The following NEK10 variants were observed in gnomAD, a reference collection of about 807,000 sequenced individuals.
NEK10 encodes the protein serine/threonine-protein kinase Nek10.
NEK10 carries 122 observed loss-of-function variants against 159.8 expected under a neutral mutation model. The ratio of observed to expected loss-of-function variants is 0.76; its 90% CI spans 0.66 to 0.89. The LOEUF (loss-of-function observed/expected upper bound fraction) is 0.89, where lower values mean the gene tolerates loss of function less well. Among genes scored for constraint, NEK10 ranks in the 40% least tolerant of loss-of-function variants. The probability of loss-of-function intolerance (pLI) is 0.00; values close to 1 mark genes in which losing one functional copy is unlikely to be tolerated. For synonymous variants in NEK10, 466 were observed against 457.1 expected (o/e 1.02, Z -0.25); for missense variants, 1,342 against 1,323.1 (o/e 1.01, Z -0.22).
intron 23 of NEK10, among the ~76,000 whole-genome samples, chr3:27,224,996 GA>G (rs1465290642): frequency 6.6e-6 from 1 of 152,200 alleles, no homozygotes; most frequent in East Asian, 1.9e-4. Flanking sequence ...TAGAAGGACA[GA>G]GATAATGGAA....
At chr3:27,174,346 T>G in intron 28 of NEK10, 93 bp downstream of exon 28, 1 of 1,588,514 alleles carries the variant, frequency 6.3e-7, no homozygotes, top group East Asian at 2.2e-5. Context: ...CACTGGGTTA[T>G]GTATATGGTG....
intron 26 of NEK10, 47 bp from the exon 27 acceptor site, chr3:27,174,880 C>T (rs1025302014): frequency 6.9e-7 from 1 of 1,454,830 alleles, no homozygotes; most frequent in South Asian, 1.4e-5. Flanking sequence ...TCTATCCTTC[C>T]TTCTATAGGA....
At chr3:27,264,057 C>G (rs2040665079) in intron 22 of NEK10, among the ~76,000 whole-genome samples, 1 of 152,006 alleles carries the variant, frequency 6.6e-6, no homozygotes, top group Admixed American at 6.6e-5. Context: ...GAAATAGGCT[C>G]AAAGAGAATG....
At chr3:27,301,489 C>A (rs1220580866) in intron 13 of NEK10, among the ~76,000 whole-genome samples, 1 of 152,198 alleles carries the variant, frequency 6.6e-6, no homozygotes, top group Admixed American at 6.5e-5. Context: ...AGGTTCAGAA[C>A]ACAGAAGACA....
chr3:27,315,540 T>C lies in NEK10; in HGVS notation c.448-1202A>G, dbSNP rs565696831. 5.9e-5 allele frequency among the ~76,000 whole-genome samples: 9 copies of C among 152,234 alleles called. No homozygotes were observed. The South Asian group carries it at 1.7e-3, about 28-fold the overall frequency. On this transcript the variant is annotated intron_variant, in intron 6 of 35. Coordinates refer to ENST00000691995, the MANE Select transcript of NEK10 (RefSeq NM_001394966.1). ...ATAATTAAAGAGCACGAGAATATTGTACATATGATCTCTATTTATGGTAGG... is the reference window on the plus strand; with the variant it reads ...ATAATTAAAGAGCACGAGAATATTGCACATATGATCTCTATTTATGGTAGG...
intron 5 of NEK10, among the ~76,000 whole-genome samples, chr3:27,341,362 T>C (rs67791426): frequency 0.015 from 2,292 of 152,242 alleles, 33 homozygotes; most frequent in Non-Finnish European, 0.021. Context: ...TCTCAACACA[T>C]AGAACTGACA....
chr3:27,141,650 T>A, intron 30 of NEK10, 68 bp from the exon 31 acceptor site: 1 of 1,219,016 alleles, frequency 8.2e-7, no homozygotes, highest in Non-Finnish European at 1.2e-6. Context: ...AAAAATGAAG[T>A]AAAATTCTAA....
At chr3:27,257,406 G>T (rs1956314695) in intron 22 of NEK10, among the ~76,000 whole-genome samples, 1 of 152,202 alleles carries the variant, frequency 6.6e-6, no homozygotes, top group Non-Finnish European at 1.5e-5. Flanking sequence ...ATATCATGTT[G>T]TAAAGCACAG....
chr3:27,162,502 T>C (rs1345360488), intron 30 of NEK10, 199 bp downstream of exon 30: 3 of 1,614,070 alleles, frequency 1.9e-6, no homozygotes, highest in African/African-American at 1.3e-5. Context: ...AGGAAGGCTA[T>C]GGGACTGCCA....
rs1178467508 is a variant in NEK10 at position 27,174,700 on chromosome 3, C to T, written c.2639G>A (p.Cys880Tyr). 37 of 1,613,276 alleles carry T rather than the reference C, an allele frequency of 2.3e-5. No homozygotes were observed. The Middle Eastern group carries it at 6.6e-4, about 29-fold the overall frequency. The change falls in exon 27 of 36, where the codon TGT becomes TAT. Residue 880 changes from cysteine (C) to tyrosine (Y), a missense_variant. Cys to Tyr is a radical substitution (Grantham distance 194, BLOSUM62 -2). Transcript: ENST00000691995. ...ASYGKDEDRA[C>Y]DEILSDDNFN... is the part of the protein sequence containing the mutation. ...GTTATCATCTGACAGGATTTCGTCA[C>T]AGGCCCTGTCTTCGTCTTTACCATA...
Position 27,329,579 on chromosome 3 carries a change from A to G in NEK10, c.363-7318T>C, listed in dbSNP as rs2149699151. Among the ~76,000 whole-genome samples the G allele has an allele frequency of 2.0e-5, 3 of 152,312 alleles. No homozygotes were observed. The South Asian group carries it at 6.2e-4, about 32-fold the overall frequency. ...TGGTGGTTACCTGTAGCCAAGGAACAACCAGTTCTTTCCTGGGAAGGTAGG... is the reference window on the plus strand; with the variant it reads ...TGGTGGTTACCTGTAGCCAAGGAACGACCAGTTCTTTCCTGGGAAGGTAGG... On this transcript the variant is annotated intron_variant, in intron 5 of 35. Transcript: ENST00000691995.
chr3:27,341,692 T>C (rs1323285054), intron 5 of NEK10, among the ~76,000 whole-genome samples: 9 of 152,068 alleles, frequency 5.9e-5, no homozygotes, highest in South Asian at 2.1e-4. Context: ...ATTCTGAGAA[T>C]GGGGGAGTAA....
At chr3:27,337,899 G>A (rs191358152) in intron 5 of NEK10, among the ~76,000 whole-genome samples, 1 of 152,158 alleles carries the variant, frequency 6.6e-6, no homozygotes, top group African/African-American at 2.4e-5. Context: ...GGAAGGTGTA[G>A]GCAAAGATTT....
At chr3:27,214,736 T>C in intron 23 of NEK10, 1 of 737,478 alleles carries the variant, frequency 1.4e-6, no homozygotes, top group Non-Finnish European at 2.5e-6. Flanking sequence ...TCAGTATTCC[T>C]GAGGAATAAA....
intron 9 of NEK10, 78 bp downstream of exon 9, chr3:27,310,871 C>G (rs988447998): frequency 1.2e-6 from 1 of 863,438 alleles, no homozygotes. Flanking sequence ...ATGACTTAAC[C>G]GCAAAGGCTC....
At chr3:27,313,744 G>A (rs919690410) in intron 7 of NEK10, among the ~76,000 whole-genome samples, 11 of 152,146 alleles carry the variant, frequency 7.2e-5, no homozygotes, top group South Asian at 4.2e-4. Context: ...GCGGAGTTTC[G>A]CTCTGTTGCC....
At chr3:27,235,318 G>A (rs1024906061) in intron 23 of NEK10, among the ~76,000 whole-genome samples, 2 of 152,096 alleles carry the variant, frequency 1.3e-5, no homozygotes, top group Admixed American at 1.3e-4. Context: ...TATCAACACA[G>A]CAAAAAGACA....
intron 33 of NEK10, among the ~76,000 whole-genome samples, chr3:27,117,287 T>C (rs565298743): frequency 6.6e-6 from 1 of 152,364 alleles, no homozygotes; most frequent in East Asian, 1.9e-4. Flanking sequence ...GCAATGAACA[T>C]ATGTGTGCAT....
At chr3:27,219,305 T>C (rs560686359) in intron 23 of NEK10, among the ~76,000 whole-genome samples, 10 of 152,308 alleles carry the variant, frequency 6.6e-5, no homozygotes, top group African/African-American at 2.4e-4. Context: ...AAAGATATAA[T>C]AGATTTGTTT....
Sources: gnomAD v4.1 joint callset for allele counts (sites outside exome capture counted in the v4.1 genomes callset) on GRCh38, gnomAD v4.1.1 for gene constraint, MANE v1.5 for transcripts, NCBI Gene and HGNC (gene_info 2026-07-23, HGNC 2026-07-21) for gene names.